CNBD1: variants seen among roughly 807,000 people sequenced by gnomAD.
CNBD1 encodes the protein cyclic nucleotide-binding domain-containing protein 1.
In CNBD1, 71 loss-of-function variants were observed where a neutral mutation model predicts 54.4. The ratio of observed to expected loss-of-function variants is 1.30; its 90% CI spans 1.08 to 1.59. The LOEUF (loss-of-function observed/expected upper bound fraction) is 1.59, where lower values mean the gene tolerates loss of function less well. Ranked by LOEUF, CNBD1 falls within the 40% of genes most tolerant of loss-of-function variation. The pLI is 0.00. For synonymous variants in CNBD1, 182 were observed against 170.7 expected (o/e 1.07, Z -0.51); for missense variants, 659 against 518.0 (o/e 1.27, Z -2.64).
intron 4 of CNBD1, among the ~76,000 whole-genome samples, chr8:87,179,429 T>A (rs557531878): frequency 6.6e-6 from 1 of 152,302 alleles, no homozygotes; most frequent in African/African-American, 2.4e-5. Context: ...TTTTGCTCTC[T>A]TAAAGAAGAG....
intron 4 of CNBD1, among the ~76,000 whole-genome samples, chr8:87,137,114 T>TATTTTTATTCTATGTAAATTATATA (rs1563482910): frequency 3.2e-5 from 2 of 62,006 alleles, no homozygotes; most frequent in South Asian, 4.4e-4. Context: ...ATTATATATA[T>TATTTTTATTCTATGTAAATTATATA]TATATTTTTA....
intron 4 of CNBD1, among the ~76,000 whole-genome samples, chr8:87,069,397 A>ATTTTT (rs1810717034): frequency 6.6e-6 from 1 of 152,064 alleles, no homozygotes; most frequent in Non-Finnish European, 1.5e-5. Context: ...TTTTTACTGT[A>ATTTTT]ACCTTTTCTA....
At chr8:86,951,554 T>A in intron 4 of CNBD1, among the ~76,000 whole-genome samples, 1 of 106,186 alleles carries the variant, frequency 9.4e-6, no homozygotes, top group East Asian at 3.3e-4. Flanking sequence ...CACTCCAGCC[T>A]GGGTGACAGA....
intron 5 of CNBD1, among the ~76,000 whole-genome samples, chr8:87,208,741 G>A (rs932103097): frequency 1.3e-5 from 2 of 151,818 alleles, no homozygotes; most frequent in African/African-American, 4.8e-5. Context: ...CACCTTGACT[G>A]TTTTCTTTGT....
intron 6 of CNBD1, among the ~76,000 whole-genome samples, chr8:87,251,312 T>G (rs1807912296): frequency 6.6e-6 from 1 of 151,956 alleles, no homozygotes; most frequent in Non-Finnish European, 1.5e-5. Flanking sequence ...GAGGCCTGGG[T>G]GCATTGGCTT....
intron 4 of CNBD1, among the ~76,000 whole-genome samples, chr8:87,048,541 C>T (rs900433249): frequency 5.3e-5 from 8 of 152,056 alleles, no homozygotes; most frequent in Non-Finnish European, 1.2e-4. Flanking sequence ...ATGCCCAGTG[C>T]TTTTGGGTAA....
chr8:86,984,456 G>T (rs1391595173), intron 4 of CNBD1, among the ~76,000 whole-genome samples: 1 of 152,126 alleles, frequency 6.6e-6, no homozygotes, highest in Non-Finnish European at 1.5e-5. Flanking sequence ...CCCCAGAAAG[G>T]TAGATCCACC....
chr8:87,124,161 G>C (rs2130718961), intron 4 of CNBD1, among the ~76,000 whole-genome samples: 1 of 151,604 alleles, frequency 6.6e-6, no homozygotes, highest in Admixed American at 6.6e-5. Context: ...AAAAGACAAG[G>C]ACACTACAAG....
At chr8:86,964,106 C>G (rs1808008280) in intron 4 of CNBD1, among the ~76,000 whole-genome samples, 1 of 604 alleles carries the variant, frequency 1.7e-3, no homozygotes, top group Non-Finnish European at 3.1e-3. Context: ...ATAGTACTCT[C>G]TGGTCGTATG....
chr8:87,385,917 A>T (rs184301401), downstream of CNBD1, among the ~76,000 whole-genome samples: 1 of 152,158 alleles, frequency 6.6e-6, no homozygotes, highest in Admixed American at 6.6e-5. Flanking sequence ...TCTGAGACAA[A>T]ATTTCCAGAG....
chr8:87,403,223 A>G (rs1270862921), intron 2 of CNBD1, among the ~76,000 whole-genome samples: 1 of 152,020 alleles, frequency 6.6e-6, no homozygotes, highest in East Asian at 1.9e-4. Flanking sequence ...CCATTATTAA[A>G]CACTTCTGCT....
intron 8 of CNBD1, among the ~76,000 whole-genome samples, chr8:87,333,578 A>G (rs1165211814): frequency 6.6e-6 from 1 of 152,134 alleles, no homozygotes; most frequent in East Asian, 1.9e-4. Context: ...AGAGTTTTCA[A>G]CATGAAGTGA....
chr8:87,418,982 C>T (rs1807881107), intron 2 of CNBD1, among the ~76,000 whole-genome samples: 1 of 151,866 alleles, frequency 6.6e-6, no homozygotes, highest in Admixed American at 6.6e-5. Flanking sequence ...AAACATATGT[C>T]TGCACAAAAA....
chr8:86,963,777 C>T (rs1010011505), intron 4 of CNBD1, among the ~76,000 whole-genome samples: 2 of 152,110 alleles, frequency 1.3e-5, no homozygotes, highest in Admixed American at 1.3e-4. Flanking sequence ...TTTCCTTGAT[C>T]CCTAGAATCA....
chr8:87,405,457 T>C (rs547772863), intron 2 of CNBD1, among the ~76,000 whole-genome samples: 183 of 152,220 alleles, frequency 1.2e-3, no homozygotes, highest in South Asian at 3.5e-3. Context: ...TACGAGATTA[T>C]GTAATGCAAG....
At position 87,105,471 on chromosome 8, in the gene CNBD1, G is replaced by A. The variant is rs1211566380; in HGVS notation, c.432-100522G>A. 2.0e-5 allele frequency among the ~76,000 whole-genome samples: 3 copies of A among 152,296 alleles called. No homozygotes were observed. The East Asian group carries it at 5.8e-4, about 29-fold the overall frequency. On this transcript the variant is annotated intron_variant, in intron 4 of 10. Coordinates refer to ENST00000518476, the MANE Select transcript of CNBD1 (RefSeq NM_173538.3). ...GAAATTATCCCATATCTTTGTCCAA[G>A]CTTTGTGGCACTTTCTTCCATATCC... is the stretch of plus-strand genomic sequence containing the variant.
intron 2 of CNBD1, among the ~76,000 whole-genome samples, chr8:87,409,363 G>C (rs187729067): frequency 6.6e-6 from 1 of 152,258 alleles, no homozygotes; most frequent in African/African-American, 2.4e-5. Flanking sequence ...AGATGAGGAA[G>C]CTGCAGAAAT....
intron 8 of CNBD1, among the ~76,000 whole-genome samples, chr8:87,295,630 A>G (rs1808863830): frequency 2.0e-5 from 3 of 151,888 alleles, no homozygotes; most frequent in African/African-American, 7.2e-5. Context: ...TCTTTTCTCT[A>G]CCTCTTTCTA....
At chr8:87,410,781 G>A (rs1259240735) in intron 2 of CNBD1, among the ~76,000 whole-genome samples, 2 of 152,052 alleles carry the variant, frequency 1.3e-5, no homozygotes, top group South Asian at 4.1e-4. Flanking sequence ...TTTCATTGTT[G>A]CATTGTTGTC....
Sources: allele counts gnomAD v4.1 joint callset (sites outside exome capture counted in the v4.1 genomes callset), GRCh38; gene constraint gnomAD v4.1.1; transcripts MANE v1.5; gene names NCBI Gene and HGNC (gene_info 2026-07-23, HGNC 2026-07-21).